FARP1: variants seen among roughly 807,000 people sequenced by gnomAD.
FARP1 encodes FERM, ARH/RhoGEF and pleckstrin domain protein 1, also known as FERM, ARHGEF and pleckstrin domain-containing protein 1.
Under a neutral mutation model 128.8 loss-of-function variants are expected in FARP1, and 52 were observed. That is an observed-to-expected ratio of 0.40 (90% confidence interval 0.32 to 0.51). The LOEUF is 0.51. Among genes scored for constraint, FARP1 ranks in the 20% least tolerant of loss-of-function variants. The pLI is 0.45. For synonymous variants in FARP1, 580 were observed against 551.8 expected, an observed-to-expected ratio of 1.05 and a Z score of -0.72; for missense variants, 1,333 against 1,367.9, an observed-to-expected ratio of 0.97 and a Z score of 0.40.
intron 16 of FARP1, 106 bp downstream of exon 16, chr13:98,412,140 G>C: frequency 9.2e-7 from 1 of 1,086,954 alleles, no homozygotes; most frequent in South Asian, 1.5e-5. Flanking sequence ...ATGAAAGGCA[G>C]GAAACTGGCT....
chr13:98,255,429 A>AGG (rs1883538024), intron 2 of FARP1, among the ~76,000 whole-genome samples: 2 of 152,124 alleles, frequency 1.3e-5, no homozygotes, highest in African/African-American at 2.4e-5. Flanking sequence ...TGAACCCAGG[A>AGG]CGCGAAGCTT....
intron 2 of FARP1, among the ~76,000 whole-genome samples, chr13:98,230,178 A>G (rs570860013): frequency 6.6e-6 from 1 of 152,214 alleles, no homozygotes. Flanking sequence ...TGAGCCTGTT[A>G]TAGGTAATTT....
chr13:98,435,738 CG>C (rs1566318408), intron 19 of FARP1, 32 bp downstream of exon 19: 1 of 1,609,862 alleles, frequency 6.2e-7, no homozygotes. Context: ...ATGCACTGCG[CG>C]GGGAGCAGAA....
chr13:98,333,474 C>A (rs1451113807), intron 2 of FARP1: 1 of 145,674 alleles, frequency 6.9e-6, no homozygotes, highest in African/African-American at 2.6e-5. Flanking sequence ...CACACACACA[C>A]ACACAAAATC....
At chr13:98,437,277 T>G (rs1204109260) in intron 19 of FARP1, among the ~76,000 whole-genome samples, 3 of 152,120 alleles carry the variant, frequency 2.0e-5, no homozygotes, top group Admixed American at 2.0e-4. Flanking sequence ...CTCAGTCTCC[T>G]TATCTGAAAA....
At chr13:98,174,670 G>A (rs1183610497) in intron 1 of FARP1, among the ~76,000 whole-genome samples, 2 of 152,116 alleles carry the variant, frequency 1.3e-5, no homozygotes, top group African/African-American at 4.8e-5. Context: ...CTTTTATGGG[G>A]CACTTGAACT....
intron 1 of FARP1, among the ~76,000 whole-genome samples, chr13:98,197,413 C>T (rs1879626611): frequency 6.6e-6 from 1 of 151,856 alleles, no homozygotes; most frequent in Non-Finnish European, 1.5e-5. Flanking sequence ...TTGCAGTGAG[C>T]TGAGATCGCG....
chr13:98,251,979 C>T (rs529768003), intron 2 of FARP1, among the ~76,000 whole-genome samples: 1 of 151,990 alleles, frequency 6.6e-6, no homozygotes, highest in African/African-American at 2.4e-5. Flanking sequence ...TCCTGAAGAG[C>T]TGGGATTGCA....
rs146183471 is a variant in FARP1, at chr13:98,163,577, C to T, written c.-24+20085C>T. ...TTTGAGATGGGATCTCACTCTGTCA[C>T]CCGGGCTGGAGTGCAGTGGCGTGAT... is the stretch of plus-strand genomic sequence containing the variant. On this transcript the variant is annotated intron_variant, in intron 1 of 26. Transcript: ENST00000319562. 2.8e-4 allele frequency among the ~76,000 whole-genome samples: 42 copies of T among 151,540 alleles called. No homozygotes were observed. In the East Asian group the frequency reaches 8.0e-3, roughly 29 times the overall value.
chr13:98,336,948 A>T (rs1257186720), intron 2 of FARP1, among the ~76,000 whole-genome samples: 4 of 152,246 alleles, frequency 2.6e-5, no homozygotes, highest in Admixed American at 2.6e-4. Flanking sequence ...TTGGCCTCTT[A>T]TAAGGAGAAC....
chr13:98,313,606 A>G (rs1349166978), intron 2 of FARP1, among the ~76,000 whole-genome samples: 2 of 152,138 alleles, frequency 1.3e-5, no homozygotes, highest in African/African-American at 2.4e-5. Flanking sequence ...AGAAACTGAT[A>G]CTCAAGCCAG....
At chr13:98,310,330 G>C (rs763129208) in intron 2 of FARP1, among the ~76,000 whole-genome samples, 1 of 152,174 alleles carries the variant, frequency 6.6e-6, no homozygotes, top group East Asian at 1.9e-4. Flanking sequence ...CCTCTGAAGG[G>C]TTATAGCCAC....
At chr13:98,296,208 A>G (rs1443040295) in intron 2 of FARP1, among the ~76,000 whole-genome samples, 3 of 152,106 alleles carry the variant, frequency 2.0e-5, no homozygotes, top group African/African-American at 7.2e-5. Flanking sequence ...ATAAACTCCC[A>G]TTATCAATCA....
At chr13:98,172,203 T>G (rs967507197) in intron 1 of FARP1, among the ~76,000 whole-genome samples, 5 of 152,046 alleles carry the variant, frequency 3.3e-5, no homozygotes, top group Non-Finnish European at 7.4e-5. Context: ...GTGGGAGTCC[T>G]GCGGACACCA....
At chr13:98,144,601 C>A (rs1342031718) in intron 1 of FARP1, among the ~76,000 whole-genome samples, 4 of 152,210 alleles carry the variant, frequency 2.6e-5, no homozygotes, top group African/African-American at 7.2e-5. Context: ...GCAACATCTT[C>A]AGAGCCAAAC....
At chr13:98,245,444 G>A (rs1446354804) in intron 2 of FARP1, 2 of 563,890 alleles carry the variant, frequency 3.5e-6, no homozygotes, top group Non-Finnish European at 4.5e-6. Flanking sequence ...CAGCAACTAA[G>A]TAATACGAAG....
chr13:98,399,088 C>T (rs1890662949), intron 13 of FARP1: 1 of 152,084 alleles, frequency 6.6e-6, no homozygotes, highest in Admixed American at 6.5e-5. Flanking sequence ...GGCTTTGTAC[C>T]AGGCAAGCAA....
intron 15 of FARP1, 87 bp from the exon 16 acceptor site, chr13:98,411,814 A>C (rs1891203189): frequency 6.9e-7 from 1 of 1,449,486 alleles, no homozygotes; most frequent in Non-Finnish European, 9.5e-7. Flanking sequence ...CTCCCAGTGC[A>C]TTTGGCTGCA....
chr13:98,227,231 C>T lies in FARP1; in HGVS notation c.171+13818C>T, dbSNP rs114048559. On this transcript the variant is annotated intron_variant, in intron 2 of 26. Transcript: ENST00000319562. ...TGCTGGGATAGCAGGCGTGAGCCAC[C>T]GCGCCCTGGCCTCCTGTTGCATTTC... Among the ~76,000 whole-genome samples the T allele has an allele frequency of 3.9e-3, 591 of 152,250 alleles. 4 individuals are homozygous for T. The highest frequency in any genetic ancestry group is 0.012 in the African/African-American group (515 of 41,552).
Sources: allele counts gnomAD v4.1 joint callset (sites outside exome capture counted in the v4.1 genomes callset), GRCh38; gene constraint gnomAD v4.1.1; transcripts MANE v1.5; gene names NCBI Gene and HGNC (gene_info 2026-07-23, HGNC 2026-07-21).